The following MKRN1 variants were observed in gnomAD, a reference collection of about 807,000 sequenced individuals.
The protein encoded by MKRN1 is E3 ubiquitin-protein ligase makorin-1.
MKRN1 carries 9 observed loss-of-function variants against 55.5 expected under a neutral mutation model. The ratio of observed to expected loss-of-function variants is 0.16; its 90% confidence interval spans 0.10 to 0.28. The LOEUF is 0.28. Ranked by LOEUF, MKRN1 falls within the 10% of genes least tolerant of loss-of-function variation. The pLI is 1.00. For missense variants in MKRN1, 488 were observed against 626.7 expected, an observed-to-expected ratio of 0.78 and a Z score of 2.36; for synonymous variants, 253 against 235.9, an observed-to-expected ratio of 1.07 and a Z score of -0.66.
intron 2 of MKRN1, among the ~76,000 whole-genome samples, chr7:140,463,665 C>T (rs373393062): frequency 6.6e-6 from 1 of 151,952 alleles, no homozygotes; most frequent in African/African-American, 2.4e-5. Flanking sequence ...GTGGGCGGAT[C>T]ACAAGGTCAG....
intron 2 of MKRN1, among the ~76,000 whole-genome samples, chr7:140,466,484 G>A (rs769171494): frequency 2.6e-5 from 4 of 152,162 alleles, no homozygotes; most frequent in Non-Finnish European, 5.9e-5. Context: ...CGGTGAGATA[G>A]GGAGACCCCG....
rs74330703 is a variant in MKRN1, at chr7:140,475,770, T to C, written c.185+3390A>G. ...ATTATTTCAACTACCAGAACACTTA[T>C]CTGCCATTATAGAAGCACTCTAATA... On this transcript the variant is annotated intron_variant, in intron 1 of 7. Coordinates refer to ENST00000255977, the MANE Select transcript of MKRN1 (RefSeq NM_013446.4). 5.7e-3 allele frequency among the ~76,000 whole-genome samples: 867 copies of C among 152,362 alleles called. 4 individuals carry two copies. Among genetic ancestry groups the C allele is most frequent in the Middle Eastern group, 0.027 (8 of 294 alleles).
At chr7:140,471,800 G>C in intron 2 of MKRN1, 83 bp downstream of exon 2, 1 of 1,519,224 alleles carries the variant, frequency 6.6e-7, no homozygotes, top group South Asian at 1.2e-5. Flanking sequence ...TTTTTAATCA[G>C]TGACATATAA....
chr7:140,458,958 A>AT, intron 4 of MKRN1, 49 bp downstream of exon 4: 1 of 1,579,160 alleles, frequency 6.3e-7, no homozygotes, highest in African/African-American at 1.3e-5. Context: ...TGAAAGGGCA[A>AT]ATAATGATTC....
intron 2 of MKRN1, among the ~76,000 whole-genome samples, chr7:140,461,440 TAAGA>T (rs970877766): frequency 4.6e-5 from 7 of 152,056 alleles, no homozygotes; most frequent in African/African-American, 1.7e-4. Context: ...GCCAGGAGTG[TAAGA>T]CCAGCCTGGC....
rs753822740 is a variant in MKRN1 at position 140,453,371 on chromosome 7, A to G, written c.*1146T>C. On this transcript the variant is annotated 3_prime_UTR_variant, in exon 8 of 8. Coordinates refer to ENST00000255977, the MANE Select transcript of MKRN1 (RefSeq NM_013446.4). The stretch of plus-strand genomic sequence containing the variant: ...TGCAAACCCATTACTCCACTACAAT[A>G]AACACCTTAGAACAGAGTTTTGAAT... 6 of 152,606 alleles carry G rather than the reference A, an allele frequency of 3.9e-5. No individual in the cohort carries two copies. The highest frequency in any genetic ancestry group is 5.9e-5 in the Non-Finnish European group (4 of 68,034). 9.5% of individuals were successfully genotyped at this position (152,606 alleles called of 1,614,324 possible). A position where few individuals can be genotyped will look rare whatever the true frequency, so the allele number is the denominator to read the frequency against.
chr7:140,474,003 AAAAAAGAAAGAAAG>A (rs1462719014), intron 1 of MKRN1, among the ~76,000 whole-genome samples: 2 of 129,426 alleles, frequency 1.5e-5, no homozygotes, highest in African/African-American at 6.1e-5. Flanking sequence ...AAAAAAAAAA[AAAAAAGAAAGAAAG>A]AAAGAAAGAA....
At chr7:140,468,656 A>G (rs1258909238) in intron 2 of MKRN1, among the ~76,000 whole-genome samples, 2 of 136,758 alleles carry the variant, frequency 1.5e-5, no homozygotes, top group Non-Finnish European at 1.5e-5. Context: ...AGTTGAGATC[A>G]TGCCACAGCA....
In MKRN1 at chr7:140,456,494, C is replaced by G. The variant is rs1014360021; in HGVS notation, c.986+158G>C. 1.0e-5 allele frequency: 15 copies of G among 1,441,694 alleles called. No individual in the cohort carries two copies. The Admixed American group carries it at 2.5e-4, about 24-fold the overall frequency. 89.3% of individuals were successfully genotyped at this position (1,441,694 alleles called of 1,614,324 possible). Reference sequence around the variant, plus strand: ...GTAGATAGACCAACTAACCTAGAAGCTAGCTGAAATACAAAGAAGAAATCC... The same window carrying G: ...GTAGATAGACCAACTAACCTAGAAGGTAGCTGAAATACAAAGAAGAAATCC... On this transcript the variant is annotated intron_variant, in intron 5 of 7. Transcript: ENST00000255977.
At chr7:140,455,497 G>A in intron 6 of MKRN1, 2 of 567,278 alleles carry the variant, frequency 3.5e-6, no homozygotes, top group Admixed American at 6.0e-5. Flanking sequence ...GCCAACACAT[G>A]AGAACATAGG....
intron 2 of MKRN1, among the ~76,000 whole-genome samples, chr7:140,466,810 C>CA (rs563645827): frequency 0.16 from 13,974 of 85,128 alleles, 1,489 homozygotes; most frequent in African/African-American, 0.27. Context: ...GACTCCGTCT[C>CA]AAAAAAAAAA....
chr7:140,475,857 A>G (rs942288149), intron 1 of MKRN1, among the ~76,000 whole-genome samples: 1 of 152,016 alleles, frequency 6.6e-6, no homozygotes, highest in Admixed American at 6.6e-5. Flanking sequence ...AACCTCACAC[A>G]CTCAAGGTAA....
At chr7:140,458,597 A>G (rs537853675) in intron 4 of MKRN1, among the ~76,000 whole-genome samples, 2 of 152,362 alleles carry the variant, frequency 1.3e-5, no homozygotes, top group African/African-American at 2.4e-5. Flanking sequence ...TAAATATACT[A>G]AAAACCAATG....
chr7:140,475,760 A>C (rs956701141), intron 1 of MKRN1, among the ~76,000 whole-genome samples: 1 of 152,230 alleles, frequency 6.6e-6, no homozygotes, highest in African/African-American at 2.4e-5. Flanking sequence ...TTCAACTACC[A>C]GAACACTTAT....
chr7:140,475,332 C>A, intron 1 of MKRN1: 1 of 364,362 alleles, frequency 2.7e-6, no homozygotes, highest in South Asian at 1.9e-5. Flanking sequence ...GACACAGACT[C>A]CATCTCAGAA....
chr7:140,478,764 C>G (rs1795198179), intron 1 of MKRN1: 1 of 156,594 alleles, frequency 6.4e-6, no homozygotes, highest in African/African-American at 2.4e-5. Context: ...CTCAAGTGAC[C>G]ACCTCCCGAG....
In MKRN1 at chr7:140,477,098, CAAAAA is replaced by C. The variant is rs35476052; in HGVS notation, c.185+2057_185+2061del. On this transcript the variant is annotated intron_variant, in intron 1 of 7. Transcript: ENST00000255977. ...GGGAAACAAGAGGGAAACTCTGTCT[CAAAAA>C]AAAAAAAAAAAAAATGATAGTTGAC... Among the ~76,000 whole-genome samples, 4 of 83,528 alleles carry C rather than the reference CAAAAA, an allele frequency of 4.8e-5. No homozygotes were observed. The South Asian group carries it at 1.2e-3, about 26-fold the overall frequency. 54.8% of individuals were successfully genotyped at this position (83,528 alleles called of 152,430 possible).
chr7:140,479,242 T>C lies in MKRN1; in HGVS notation c.103A>G (p.Thr35Ala). ...AASPTPIPTV[T>A]APSLGAGGGG... ...CCGCCCGCCCCCAGGGACGGGGCGG[T>C]GACTGTGGGGATCGGGGTGGGGGAG... The change falls in exon 1 of 8, where the codon ACC (threonine) becomes GCC (alanine). Residue 35 changes from threonine (T) to alanine (A), a missense_variant. Physicochemically the swap from Thr to Ala is moderately conservative, Grantham distance 58. Coordinates refer to ENST00000255977, the MANE Select transcript of MKRN1 (RefSeq NM_013446.4). 1 of 1,430,046 alleles carries C rather than the reference T, an allele frequency of 7.0e-7. No homozygotes were observed. The highest frequency in any genetic ancestry group is 9.1e-7 in the Non-Finnish European group (1 of 1,094,866). The allele number at this position is 1,430,046 out of a possible 1,614,324, so 88.6% of individuals were successfully genotyped here.
Position 140,471,886 on chromosome 7 carries a change from C to T in MKRN1, c.311G>A (p.Cys104Tyr), listed in dbSNP as rs761138220. Residue 104 changes from cysteine (C) to tyrosine (Y), a missense_variant, in exon 2 of 8, where the codon TGC becomes TAC. By Grantham distance (194) the Cys-to-Tyr change is radical. This residue lies in a region of MKRN1 where 210 missense variants were observed against 220.0 expected (regional missense o/e 0.95). Coordinates refer to ENST00000255977, the MANE Select transcript of MKRN1 (RefSeq NM_013446.4). ...AAATTTATAAACAAATTCTTACCTGCAGCGGTCTCCATAAATACAGTACCC... is the reference window on the plus strand; with the variant it reads ...AAATTTATAAACAAATTCTTACCTGTAGCGGTCTCCATAAATACAGTACCC... ...QRGYCIYGDR[C>Y]RYEHSKPLKQ... 1.2e-6 allele frequency: 2 copies of T among 1,613,004 alleles called. No homozygotes were observed. Among genetic ancestry groups the T allele is most frequent in the African/African-American group, 1.3e-5 (1 of 75,030 alleles).
Sources: gnomAD v4.1 joint callset for allele counts (sites outside exome capture counted in the v4.1 genomes callset) on GRCh38, gnomAD v4.1.1 for gene constraint, gnomAD v4.1.1 regional missense constraint, MANE v1.5 for transcripts, NCBI Gene and HGNC (gene_info 2026-07-23, HGNC 2026-07-21) for gene names.